Variants in LRRC4C observed in about 807,000 individuals in gnomAD.
The protein encoded by LRRC4C is leucine-rich repeat-containing protein 4C.
Under a neutral mutation model 33.6 loss-of-function variants are expected in LRRC4C, and 5 were observed. The ratio of observed to expected loss-of-function variants is 0.15; its 90% CI spans 0.08 to 0.31. The LOEUF is 0.31. Ranked by LOEUF, LRRC4C falls within the 10% of genes least tolerant of loss-of-function variation. The pLI is 1.00. For synonymous variants in LRRC4C, 329 were observed against 302.0 expected (o/e 1.09, Z -0.93); for missense variants, 560 against 796.7 (o/e 0.70, Z 3.58).
At chr11:41,058,211 C>T (rs1018209305) in intron 1 of LRRC4C, among the ~76,000 whole-genome samples, 44 of 152,218 alleles carry the variant, frequency 2.9e-4, no homozygotes, top group African/African-American at 7.5e-4. Flanking sequence ...GTGACTCCCC[C>T]CTTTGGGGCC....
chr11:40,565,274 C>A (rs895560620), intron 3 of LRRC4C, among the ~76,000 whole-genome samples: 1 of 152,068 alleles, frequency 6.6e-6, no homozygotes, highest in Admixed American at 6.6e-5. Flanking sequence ...TGGCTGCTAT[C>A]GGGGGCAGTG....
chr11:41,075,452 C>G (rs1453068395), intron 1 of LRRC4C, among the ~76,000 whole-genome samples: 1 of 152,012 alleles, frequency 6.6e-6, no homozygotes, highest in African/African-American at 2.4e-5. Flanking sequence ...TTACCTATAT[C>G]TAACACAAAC....
At chr11:41,391,810 T>C (rs1953607919) in intron 1 of LRRC4C, among the ~76,000 whole-genome samples, 1 of 151,918 alleles carries the variant, frequency 6.6e-6, no homozygotes, top group Non-Finnish European at 1.5e-5. Flanking sequence ...TATTTTTACA[T>C]TATCTCAAAT....
chr11:41,092,257 G>T (rs1007671456), intron 1 of LRRC4C, among the ~76,000 whole-genome samples: 6 of 151,804 alleles, frequency 4.0e-5, no homozygotes, highest in African/African-American at 1.5e-4. Context: ...TATCTTGGAG[G>T]CATCAGGCAT....
intron 2 of LRRC4C, among the ~76,000 whole-genome samples, chr11:40,703,064 A>C (rs1018379254): frequency 7.2e-5 from 11 of 152,058 alleles, no homozygotes; most frequent in African/African-American, 2.7e-4. Flanking sequence ...TAATAGAATA[A>C]TAATATTTTT....
chr11:41,021,537 C>T (rs1855985501), intron 1 of LRRC4C, among the ~76,000 whole-genome samples: 1 of 152,036 alleles, frequency 6.6e-6, no homozygotes, highest in Non-Finnish European at 1.5e-5. Flanking sequence ...GGTTAATACA[C>T]AAAACTCAAA....
At chr11:40,141,382 A>C (rs1237116484) in intron 5 of LRRC4C, among the ~76,000 whole-genome samples, 1 of 151,828 alleles carries the variant, frequency 6.6e-6, no homozygotes, top group African/African-American at 2.4e-5. Context: ...TCACCCCACT[A>C]CTCCTGTGGC....
At position 41,065,974 on chromosome 11, in the gene LRRC4C, G is replaced by C. The variant is rs557744282; in HGVS notation, c.-495-132251C>G. ...GATGAGGAAAAAACAATGCAAAAAT[G>C]CTGAAAATTCCAAAAGCCAGAATGC... On this transcript the variant is annotated intron_variant, in intron 1 of 6. Coordinates refer to ENST00000528697, the MANE Select transcript of LRRC4C (RefSeq NM_001258419.2). Among the ~76,000 whole-genome samples the C allele has an allele frequency of 4.1e-4, 62 of 152,244 alleles. 1 individual carries two copies. In the South Asian group the frequency reaches 5.4e-3, roughly 13 times the overall value.
chr11:40,547,589 C>A lies in LRRC4C; in HGVS notation c.-270+100553G>T, dbSNP rs143473434. Among the ~76,000 whole-genome samples, 3 of 151,960 alleles carry A rather than the reference C, an allele frequency of 2.0e-5. No individual in the cohort carries two copies. The East Asian group carries it at 5.8e-4, about 29-fold the overall frequency. On this transcript the variant is annotated intron_variant, in intron 3 of 6. Transcript: ENST00000528697. ...TCCAATATTATAAACCTCAGGATAC[C>A]TTTTTCAAAAAGATGAAACACATCA...
intron 3 of LRRC4C, among the ~76,000 whole-genome samples, chr11:40,404,613 T>C (rs866747031): frequency 6.6e-6 from 1 of 152,058 alleles, no homozygotes; most frequent in Admixed American, 6.6e-5. Flanking sequence ...TTTTCTTTTT[T>C]GCAAGAGCCT....
chr11:41,340,388 G>A (rs1205796408), intron 1 of LRRC4C, among the ~76,000 whole-genome samples: 2 of 152,236 alleles, frequency 1.3e-5, no homozygotes, highest in South Asian at 2.1e-4. Flanking sequence ...TTTCATGAGA[G>A]TATATGGGGC....
chr11:41,192,099 A>G (rs1208554269), intron 1 of LRRC4C, among the ~76,000 whole-genome samples: 1 of 152,062 alleles, frequency 6.6e-6, no homozygotes, highest in African/African-American at 2.4e-5. Context: ...TTCAGCATTA[A>G]CTTATTGAAG....
intron 1 of LRRC4C, among the ~76,000 whole-genome samples, chr11:41,033,378 AAGGAATCAGAACACAGAC>A (rs60230259): frequency 0.15 from 22,165 of 152,036 alleles, 1,733 homozygotes; most frequent in Middle Eastern, 0.21. Flanking sequence ...GTCAATAAGG[AAGGAATCAGAACACAGAC>A]AGCCACAAGC....
rs12418828 is a variant in LRRC4C, at chr11:40,928,884, T to A, written c.-407+4751A>T. 3.9e-5 allele frequency among the ~76,000 whole-genome samples: 6 copies of A among 152,232 alleles called. No homozygotes were observed. In the East Asian group the frequency reaches 1.2e-3, roughly 29 times the overall value. ...TTTCCCAAATACTTCATAATAAGTG[T>A]GCAATTTCTTCTACAAATTCAAATC... On this transcript the variant is annotated intron_variant, in intron 2 of 6. Coordinates refer to ENST00000528697, the MANE Select transcript of LRRC4C (RefSeq NM_001258419.2).
intron 5 of LRRC4C, among the ~76,000 whole-genome samples, chr11:40,230,215 T>G (rs1165445322): frequency 1.3e-5 from 2 of 152,208 alleles, no homozygotes; most frequent in Non-Finnish European, 1.5e-5. Context: ...AGAATTTAAA[T>G]TTATTATTTC....
intron 3 of LRRC4C, among the ~76,000 whole-genome samples, chr11:40,457,096 TAAAAAAGAAAAAA>T (rs970518892): frequency 4.1e-4 from 51 of 125,120 alleles, no homozygotes; most frequent in Middle Eastern, 5.2e-3. Context: ...GTGTATTTCT[TAAAAAAGAAAAAA>T]AAAAAAGAAA....
chr11:40,754,336 GTAGA>G (rs1186785332), intron 2 of LRRC4C, among the ~76,000 whole-genome samples: 1 of 152,004 alleles, frequency 6.6e-6, no homozygotes, highest in Non-Finnish European at 1.5e-5. Context: ...ATCTTCACAG[GTAGA>G]TAGGTAGATA....
chr11:41,021,967 C>T (rs1856013637), intron 1 of LRRC4C, among the ~76,000 whole-genome samples: 1 of 151,752 alleles, frequency 6.6e-6, no homozygotes, highest in South Asian at 2.1e-4. Flanking sequence ...GAAAGAAAAT[C>T]AACTGTTTTG....
intron 3 of LRRC4C, among the ~76,000 whole-genome samples, chr11:40,403,563 G>T (rs1949843275): frequency 6.6e-6 from 1 of 152,068 alleles, no homozygotes; most frequent in Admixed American, 6.6e-5. Flanking sequence ...GGTGGTCTAT[G>T]AAAATTGGAC....
Sources: allele counts gnomAD v4.1 joint callset (sites outside exome capture counted in the v4.1 genomes callset), GRCh38; gene constraint gnomAD v4.1.1; transcripts MANE v1.5; gene names NCBI Gene and HGNC (gene_info 2026-07-23, HGNC 2026-07-21).